CIMIP2A: variants seen among roughly 807,000 people sequenced by gnomAD.
The protein encoded by CIMIP2A is ciliary microtubule inner protein 2A, also known as family with sequence similarity 166 member A.
the CIMIP2A span, chr9:137,252,569 G>A: frequency 1.3e-6 from 2 of 1,496,042 alleles, no homozygotes; most frequent in Non-Finnish European, 1.8e-6. Context: ...CACGCAGGCA[G>A]GGGGCTGGGG....
the CIMIP2A span, chr9:137,251,338 A>G: frequency 5.6e-6 from 9 of 1,613,736 alleles, no homozygotes; most frequent in Admixed American, 5.0e-5. Context: ...TTTTTACATC[A>G]ATGGAGGCAA....
the CIMIP2A span, chr9:137,245,119 G>T: frequency 3.1e-6 from 5 of 1,603,466 alleles, no homozygotes; most frequent in East Asian, 2.2e-5. Context: ...ATTAGGTTAG[G>T]GTGGTCCAGC....
At chr9:137,247,771 C>T in the CIMIP2A span, 1 of 1,560,982 alleles carries the variant, frequency 6.4e-7, no homozygotes, top group African/African-American at 1.4e-5. Context: ...CAGCTCCCTT[C>T]CCTGAGGGGA....
At chr9:137,244,099 G>T in the CIMIP2A span, 1 of 1,425,562 alleles carries the variant, frequency 7.0e-7, no homozygotes, top group Middle Eastern at 2.1e-4. Context: ...AGCAATGAAG[G>T]GTGAGCAGGT....
chr9:137,244,066 G>T, the CIMIP2A span: 1 of 1,203,488 alleles, frequency 8.3e-7, no homozygotes. Flanking sequence ...CCCTGGTAAT[G>T]GTCAGACAGG....
chr9:137,249,819 C>A, the CIMIP2A span, among the ~76,000 whole-genome samples: 2 of 152,206 alleles, frequency 1.3e-5, no homozygotes, highest in African/African-American at 4.8e-5. Context: ...GCAATCAATA[C>A]CCTTTACAAT....
the CIMIP2A span, chr9:137,252,550 C>A: frequency 1.9e-5 from 6 of 309,622 alleles, no homozygotes; most frequent in East Asian, 1.5e-4. Flanking sequence ...AGGAAGGGGG[C>A]GGGGAGTCCA....
chr9:137,248,337 G>A, the CIMIP2A span, among the ~76,000 whole-genome samples: 2 of 151,690 alleles, frequency 1.3e-5, no homozygotes, highest in Non-Finnish European at 2.9e-5. Flanking sequence ...CATGTCAGGA[G>A]TTCGAGACCA....
At chr9:137,246,923 TTAC>T in the CIMIP2A span, among the ~76,000 whole-genome samples, 6 of 151,910 alleles carry the variant, frequency 3.9e-5, no homozygotes, top group African/African-American at 1.5e-4. Context: ...CGTAGAGGGG[TTAC>T]TTTTATTTTT....
chr9:137,254,292 G>C, the CIMIP2A span, among the ~76,000 whole-genome samples: 249 of 152,368 alleles, frequency 1.6e-3, no homozygotes, highest in African/African-American at 5.7e-3. Flanking sequence ...AACCAGCTGG[G>C]GGTTGGATCA....
chr9:137,250,287 C>T, the CIMIP2A span: 1 of 152,288 alleles, frequency 6.6e-6, no homozygotes, highest in African/African-American at 2.4e-5. Context: ...AGGAGCCTAT[C>T]TGTCCAATGA....
chr9:137,244,852 AC>A, the CIMIP2A span: 1 of 1,564,724 alleles, frequency 6.4e-7, no homozygotes. Flanking sequence ...CGTTCCCTGA[AC>A]GTTGGCGACT....
the CIMIP2A span, chr9:137,245,652 G>GT: frequency 6.2e-7 from 1 of 1,607,526 alleles, no homozygotes; most frequent in Non-Finnish European, 8.5e-7. Context: ...TGTAGTGGGG[G>GT]ATGTAGGGCT....
At chr9:137,252,123 C>A in the CIMIP2A span, 1 of 1,610,558 alleles carries the variant, frequency 6.2e-7, no homozygotes, top group South Asian at 1.1e-5. Context: ...CGGCTGCAAG[C>A]ACCAGGGCCG....
chr9:137,249,914 T>C, the CIMIP2A span, among the ~76,000 whole-genome samples: 5 of 152,298 alleles, frequency 3.3e-5, no homozygotes, highest in East Asian at 5.8e-4. Context: ...AACCCCAAAT[T>C]GAAGCTAGTT....
At chr9:137,252,598 G>T in the CIMIP2A span, 10 of 1,514,822 alleles carry the variant, frequency 6.6e-6, no homozygotes, top group Middle Eastern at 2.1e-4. Context: ...GGGGCCAAAG[G>T]GGGGCTGGCT....
chr9:137,245,466 G>A, the CIMIP2A span: 1 of 1,613,942 alleles, frequency 6.2e-7, no homozygotes, highest in Non-Finnish European at 8.5e-7. Flanking sequence ...GAATCTGTCT[G>A]GGTATGTTCT....
chr9:137,246,062 A>G, the CIMIP2A span, among the ~76,000 whole-genome samples: 1 of 152,156 alleles, frequency 6.6e-6, no homozygotes, highest in Admixed American at 6.5e-5. Flanking sequence ...GGCGGCACAC[A>G]CCACATGCTG....
At chr9:137,254,108 G>A in the CIMIP2A span, among the ~76,000 whole-genome samples, 12 of 152,152 alleles carry the variant, frequency 7.9e-5, no homozygotes, top group Admixed American at 3.9e-4. Flanking sequence ...GCCGTCACCC[G>A]CACCTCCCCA....
Sources: allele counts gnomAD v4.1 joint callset (sites outside exome capture counted in the v4.1 genomes callset), GRCh38; gene constraint gnomAD v4.1.1; transcripts MANE v1.5; gene names NCBI Gene and HGNC (gene_info 2026-07-23, HGNC 2026-07-21).